Variants in CNTNAP2 observed in about 807,000 individuals in gnomAD.
The protein encoded by CNTNAP2 is contactin associated protein 2.
CNTNAP2 carries 98 observed loss-of-function variants against 155.2 expected under a neutral mutation model. The ratio of observed to expected loss-of-function variants is 0.63; its 90% CI spans 0.54 to 0.75. CNTNAP2 has a LOEUF of 0.75. Ranked by LOEUF, CNTNAP2 falls within the 30% of genes least tolerant of loss-of-function variation. The pLI, the probability that CNTNAP2 is intolerant of heterozygous loss-of-function variation, is 0.00. For missense variants in CNTNAP2, 1,727 were observed against 1,688.1 expected, an observed-to-expected ratio of 1.02 and a Z score of -0.40; for synonymous variants, 651 against 631.2, an observed-to-expected ratio of 1.03 and a Z score of -0.47.
intron 21 of CNTNAP2, among the ~76,000 whole-genome samples, chr7:148,345,043 A>G (rs1313868686): frequency 1.3e-5 from 2 of 152,228 alleles, no homozygotes; most frequent in African/African-American, 4.8e-5. Context: ...TAGGAGGGCC[A>G]CATGGTGAGG....
chr7:146,317,091 T>C (rs546769780), intron 1 of CNTNAP2, among the ~76,000 whole-genome samples: 13 of 152,374 alleles, frequency 8.5e-5, no homozygotes, highest in African/African-American at 3.1e-4. Flanking sequence ...ATTTGTATTT[T>C]CTTAGTCCCT....
intron 1 of CNTNAP2, among the ~76,000 whole-genome samples, chr7:146,164,811 A>G (rs1473850258): frequency 6.6e-6 from 1 of 152,176 alleles, no homozygotes; most frequent in East Asian, 1.9e-4. Flanking sequence ...ATGTTTCATA[A>G]AAAGACAATT....
At chr7:148,215,871 A>G (rs1017410764) in intron 18 of CNTNAP2, among the ~76,000 whole-genome samples, 1 of 152,230 alleles carries the variant, frequency 6.6e-6, no homozygotes, top group Non-Finnish European at 1.5e-5. Flanking sequence ...CTCTTTAACA[A>G]GAACAAACAT....
At chr7:147,482,017 G>T (rs534065239) in intron 10 of CNTNAP2, among the ~76,000 whole-genome samples, 212 of 152,172 alleles carry the variant, frequency 1.4e-3, no homozygotes, top group Middle Eastern at 3.4e-3. Flanking sequence ...TTTCTTGGTG[G>T]TGTAACATTC....
chr7:146,642,374 C>G (rs1211619243), intron 1 of CNTNAP2, among the ~76,000 whole-genome samples: 2 of 142,156 alleles, frequency 1.4e-5, no homozygotes, highest in Non-Finnish European at 3.0e-5. Context: ...TGTTCTCATT[C>G]TTCAATTCCC....
intron 10 of CNTNAP2, among the ~76,000 whole-genome samples, chr7:147,431,002 C>G: frequency 6.6e-6 from 1 of 150,796 alleles, no homozygotes; most frequent in African/African-American, 2.4e-5. Flanking sequence ...AAGCCGAGAT[C>G]ACGCCCCTCC....
chr7:147,552,512 T>C (rs1268490482), intron 11 of CNTNAP2, among the ~76,000 whole-genome samples: 3 of 152,044 alleles, frequency 2.0e-5, no homozygotes, highest in African/African-American at 7.2e-5. Flanking sequence ...TTAACTGTGA[T>C]TTGTTTAGCT....
chr7:146,945,380 A>G (rs961427671), intron 3 of CNTNAP2, among the ~76,000 whole-genome samples: 1 of 152,190 alleles, frequency 6.6e-6, no homozygotes, highest in East Asian at 1.9e-4. Flanking sequence ...ACCCGGGAAT[A>G]TCCATTTCTG....
At chr7:148,169,647 G>A (rs867496484) in intron 17 of CNTNAP2, among the ~76,000 whole-genome samples, 6 of 152,140 alleles carry the variant, frequency 3.9e-5, no homozygotes, top group Non-Finnish European at 7.4e-5. Context: ...AGATGTTCTC[G>A]TTGTACATTT....
chr7:148,101,082 A>G (rs1804089020), intron 15 of CNTNAP2, among the ~76,000 whole-genome samples: 2 of 140,934 alleles, frequency 1.4e-5, no homozygotes, highest in African/African-American at 5.1e-5. Flanking sequence ...GAATTGAACA[A>G]TGAGAACACA....
At chr7:147,561,053 T>G (rs1455388921) in intron 11 of CNTNAP2, among the ~76,000 whole-genome samples, 2 of 152,010 alleles carry the variant, frequency 1.3e-5, no homozygotes, top group African/African-American at 4.8e-5. Flanking sequence ...GGTTTGTGCA[T>G]AGCCAGGCTG....
At chr7:146,181,817 G>C (rs1052839021) in intron 1 of CNTNAP2, among the ~76,000 whole-genome samples, 1 of 152,108 alleles carries the variant, frequency 6.6e-6, no homozygotes, top group Non-Finnish European at 1.5e-5. Flanking sequence ...AATGGAAACT[G>C]TTCAGGCCCT....
chr7:148,314,357 A>G (rs930720695), intron 21 of CNTNAP2, among the ~76,000 whole-genome samples: 1 of 152,206 alleles, frequency 6.6e-6, no homozygotes, highest in Non-Finnish European at 1.5e-5. Flanking sequence ...TAGGATGGAA[A>G]AATTGAAAGT....
chr7:146,149,435 G>C (rs982991399), intron 1 of CNTNAP2, among the ~76,000 whole-genome samples: 6 of 152,074 alleles, frequency 3.9e-5, no homozygotes, highest in African/African-American at 1.2e-4. Context: ...AAGCTTGAAA[G>C]TTCACAGAAA....
intron 13 of CNTNAP2, among the ~76,000 whole-genome samples, chr7:147,879,747 A>T (rs1386636858): frequency 3.3e-5 from 5 of 152,254 alleles, no homozygotes; most frequent in African/African-American, 4.8e-5. Flanking sequence ...ACATGCTCTG[A>T]AGTAAACAGA....
intron 21 of CNTNAP2, among the ~76,000 whole-genome samples, chr7:148,334,342 G>T (rs2116568455): frequency 6.6e-6 from 1 of 152,298 alleles, no homozygotes; most frequent in Admixed American, 6.5e-5. Flanking sequence ...AGGCAGCATG[G>T]GTTTTAGGTG....
chr7:147,862,422 A>G (rs1799152185), intron 13 of CNTNAP2, among the ~76,000 whole-genome samples: 1 of 152,208 alleles, frequency 6.6e-6, no homozygotes, highest in African/African-American at 2.4e-5. Context: ...TTTCGTGTGC[A>G]TAATAATGCA....
chr7:147,427,006 T>C (rs1797387427), intron 10 of CNTNAP2, among the ~76,000 whole-genome samples: 1 of 152,102 alleles, frequency 6.6e-6, no homozygotes, highest in South Asian at 2.1e-4. Flanking sequence ...TAGAAATATA[T>C]TTATCATGGT....
intron 18 of CNTNAP2, among the ~76,000 whole-genome samples, chr7:148,195,874 A>G (rs932784142): frequency 6.6e-6 from 1 of 152,138 alleles, no homozygotes; most frequent in Non-Finnish European, 1.5e-5. Flanking sequence ...TTGAACCACA[A>G]TAAAGACCGT....
Sources: gnomAD v4.1 joint callset for allele counts (sites outside exome capture counted in the v4.1 genomes callset) on GRCh38, gnomAD v4.1.1 for gene constraint, MANE v1.5 for transcripts, NCBI Gene and HGNC (gene_info 2026-07-23, HGNC 2026-07-21) for gene names.